The following TEX9 variants were observed in gnomAD, a reference collection of about 807,000 sequenced individuals.
TEX9 encodes the protein testis-expressed protein 9.
A neutral mutation model predicts 59.6 loss-of-function variants in TEX9; 74 were observed. The ratio of observed to expected loss-of-function variants is 1.24; its 90% CI spans 1.03 to 1.51. The LOEUF (loss-of-function observed/expected upper bound fraction) is 1.51. TEX9 is among the 40% of genes most tolerant of loss of function. TEX9 has a pLI of 0.00. For synonymous variants in TEX9, 186 were observed against 152.2 expected (o/e 1.22, Z -1.64); for missense variants, 522 against 447.8 (o/e 1.17, Z -1.49).
intron 4 of TEX9, among the ~76,000 whole-genome samples, chr15:56,388,037 AT>A (rs1195102957): frequency 2.0e-5 from 3 of 152,022 alleles, no homozygotes; most frequent in Admixed American, 1.3e-4. Context: ...GGCAGACGTG[AT>A]TTCTACCCTC....
intron 1 of TEX9, among the ~76,000 whole-genome samples, chr15:56,314,570 C>G (rs142970388): frequency 4.6e-5 from 7 of 150,756 alleles, no homozygotes; most frequent in Non-Finnish European, 1.0e-4. Context: ...TTACTTCCAA[C>G]TATGTGGTCA....
chr15:56,350,161 A>G (rs1253021087), intron 1 of TEX9, among the ~76,000 whole-genome samples: 2 of 152,134 alleles, frequency 1.3e-5, no homozygotes, highest in African/African-American at 4.8e-5. Context: ...TGTATCCCCA[A>G]TGCTTAGTAC....
At chr15:56,365,943 C>T (rs1279597771) in intron 2 of TEX9, 12 of 1,239,810 alleles carry the variant, frequency 9.7e-6, no homozygotes, top group Non-Finnish European at 1.2e-5. Flanking sequence ...CAGCAAGATA[C>T]TGTTGGAAGT....
chr15:56,371,956 G>A (rs1464738145), intron 2 of TEX9, among the ~76,000 whole-genome samples: 3 of 152,128 alleles, frequency 2.0e-5, no homozygotes, highest in African/African-American at 7.2e-5. Flanking sequence ...TAGCTTTTAA[G>A]CTATTTTGGC....
At chr15:56,257,453 C>G (rs943261877) in intron 1 of TEX9, among the ~76,000 whole-genome samples, 2 of 152,152 alleles carry the variant, frequency 1.3e-5, no homozygotes, top group African/African-American at 4.8e-5. Flanking sequence ...TCACCAGCAT[C>G]TGTTATTTTT....
intron 1 of TEX9, among the ~76,000 whole-genome samples, chr15:56,306,850 T>A (rs146678254): frequency 1.4e-3 from 218 of 152,346 alleles, no homozygotes; most frequent in Non-Finnish European, 6.6e-4. Flanking sequence ...TATCAAAATA[T>A]CTCATGTATC....
upstream of TEX9, among the ~76,000 whole-genome samples, chr15:56,361,477 T>G (rs1283417411): frequency 3.9e-5 from 6 of 152,212 alleles, no homozygotes; most frequent in African/African-American, 1.4e-4. Context: ...AAGTATGAAT[T>G]TAATTTGCAA....
chr15:56,294,506 T>A (rs1411183777), intron 1 of TEX9, among the ~76,000 whole-genome samples: 6 of 152,222 alleles, frequency 3.9e-5, no homozygotes, highest in African/African-American at 1.4e-4. Context: ...ACTGTTTTTA[T>A]CTCTGGCCAA....
At chr15:56,294,660 T>A (rs2045175710) in intron 1 of TEX9, among the ~76,000 whole-genome samples, 1 of 152,232 alleles carries the variant, frequency 6.6e-6, no homozygotes. Flanking sequence ...CTAATAATAT[T>A]ACCTCATTCC....
At chr15:56,434,607 A>G (rs2050687665) in intron 12 of TEX9, among the ~76,000 whole-genome samples, 1 of 152,138 alleles carries the variant, frequency 6.6e-6, no homozygotes, top group Non-Finnish European at 1.5e-5. Flanking sequence ...TTACTCATGA[A>G]CAAATTTTAA....
chr15:56,261,794 T>C (rs1419539532), intron 1 of TEX9, among the ~76,000 whole-genome samples: 1 of 151,960 alleles, frequency 6.6e-6, no homozygotes, highest in African/African-American at 2.4e-5. Flanking sequence ...TCCCAAAGGA[T>C]ATAGGAATAG....
rs903554153 is a variant in TEX9 at position 56,355,109 on chromosome 15, C to T, written c.-106-18332C>T. Reference sequence around the variant, plus strand: ...GTTCCTCATGGCCCCTTGCAGTCAGCGCCTTCCTCCCATTCCCAGTTCTAG... The same window carrying T: ...GTTCCTCATGGCCCCTTGCAGTCAGTGCCTTCCTCCCATTCCCAGTTCTAG... On this transcript the variant is annotated intron_variant, in intron 1 of 5. Transcript: ENST00000560827. Among the ~76,000 whole-genome samples the T allele has an allele frequency of 3.9e-5, 6 of 152,130 alleles. No homozygotes were observed. The East Asian group carries it at 5.8e-4, about 15-fold the overall frequency.
At chr15:56,447,018 C>A, downstream of TEX9, 1 of 991,366 alleles carries the variant, frequency 1.0e-6, no homozygotes, top group Non-Finnish European at 1.5e-6. Flanking sequence ...AACTGAGTAA[C>A]TGTATTTTTA....
At chr15:56,284,174 C>G (rs1431575623) in intron 1 of TEX9, among the ~76,000 whole-genome samples, 1 of 150,766 alleles carries the variant, frequency 6.6e-6, no homozygotes, top group Non-Finnish European at 1.5e-5. Context: ...TTTTCTTTTT[C>G]TAAAGAGAGT....
At chr15:56,433,325 C>A (rs1433472439) in intron 12 of TEX9, among the ~76,000 whole-genome samples, 1 of 151,920 alleles carries the variant, frequency 6.6e-6, no homozygotes, top group Non-Finnish European at 1.5e-5. Context: ...GGCTTAAAAC[C>A]TAGATGACGG....
At chr15:56,440,839 CATTTT>C (rs1222330068) in intron 12 of TEX9, among the ~76,000 whole-genome samples, 2 of 152,060 alleles carry the variant, frequency 1.3e-5, no homozygotes, top group African/African-American at 4.8e-5. Flanking sequence ...AGCTGAATAA[CATTTT>C]ATTACATGGA....
intron 1 of TEX9, among the ~76,000 whole-genome samples, chr15:56,353,874 A>G (rs2046632354): frequency 6.6e-6 from 1 of 152,138 alleles, no homozygotes; most frequent in Non-Finnish European, 1.5e-5. Context: ...CTTTACTATA[A>G]ATGTCTTTCC....
chr15:56,336,402 C>G (rs1433881307), intron 1 of TEX9, among the ~76,000 whole-genome samples: 9 of 152,160 alleles, frequency 5.9e-5, no homozygotes, highest in African/African-American at 2.2e-4. Context: ...AGCTCTCTTT[C>G]TCCCATGTTA....
chr15:56,405,608 G>A (rs377692960), intron 9 of TEX9, among the ~76,000 whole-genome samples: 1 of 152,138 alleles, frequency 6.6e-6, no homozygotes, highest in East Asian at 1.9e-4. Context: ...CATTGGATCT[G>A]AACTTTCCAG....
Sources: gnomAD v4.1 joint callset for allele counts (sites outside exome capture counted in the v4.1 genomes callset) on GRCh38, gnomAD v4.1.1 for gene constraint, MANE v1.5 for transcripts, NCBI Gene and HGNC (gene_info 2026-07-23, HGNC 2026-07-21) for gene names.